Variants in ADAM32 observed in about 807,000 individuals in gnomAD.
ADAM32 encodes the protein ADAM metallopeptidase domain 32, also known as disintegrin and metalloproteinase domain-containing protein 32.
ADAM32 carries 89 observed loss-of-function variants against 114.9 expected under a neutral mutation model. That is an observed-to-expected ratio of 0.77 (90% CI 0.65 to 0.92). ADAM32 has a LOEUF of 0.92. Among genes scored for constraint, ADAM32 ranks in the 40% least tolerant of loss-of-function variants. The probability of loss-of-function intolerance (pLI) is 0.00; values close to 1 mark genes in which losing one functional copy is unlikely to be tolerated. For missense variants in ADAM32, 870 were observed against 932.8 expected, an observed-to-expected ratio of 0.93 and a Z score of 0.88; for synonymous variants, 285 against 307.5, an observed-to-expected ratio of 0.93 and a Z score of 0.77.
intron 12 of ADAM32, among the ~76,000 whole-genome samples, chr8:39,215,758 T>C (rs1433541108): frequency 6.6e-6 from 1 of 152,058 alleles, no homozygotes; most frequent in Non-Finnish European, 1.5e-5. Flanking sequence ...AGATGCTTGA[T>C]ATTATTTAAT....
At chr8:39,229,964 A>C (rs1022589401) in intron 14 of ADAM32, among the ~76,000 whole-genome samples, 3 of 152,280 alleles carry the variant, frequency 2.0e-5, no homozygotes, top group Admixed American at 1.3e-4. Context: ...AGCCTCAATA[A>C]ATTTAATAAA....
chr8:39,213,264 C>A (rs10102564), intron 12 of ADAM32, among the ~76,000 whole-genome samples: 4 of 151,808 alleles, frequency 2.6e-5, no homozygotes, highest in Non-Finnish European at 4.4e-5. Context: ...GTATAGAATG[C>A]GTAATGATCA....
At chr8:39,148,874 G>A (rs975883094) in intron 4 of ADAM32, among the ~76,000 whole-genome samples, 2 of 152,066 alleles carry the variant, frequency 1.3e-5, no homozygotes, top group Non-Finnish European at 2.9e-5. Context: ...CTGTGACAAT[G>A]TTTGTGACTC....
At chr8:39,246,324 A>G (rs1424637753) in intron 17 of ADAM32, among the ~76,000 whole-genome samples, 158 bp downstream of exon 17, 2 of 152,320 alleles carry the variant, frequency 1.3e-5, no homozygotes, top group East Asian at 3.9e-4. Flanking sequence ...CAGCAGCCAT[A>G]ATTAGTTACA....
intron 12 of ADAM32, among the ~76,000 whole-genome samples, chr8:39,211,874 G>A (rs1261464416): frequency 1.3e-5 from 2 of 152,154 alleles, no homozygotes; most frequent in Non-Finnish European, 2.9e-5. Context: ...TGGTTACAAG[G>A]TAGACAGAAA....
At chr8:39,225,916 T>G (rs1386104332) in intron 14 of ADAM32, among the ~76,000 whole-genome samples, 1 of 152,102 alleles carries the variant, frequency 6.6e-6, no homozygotes, top group African/African-American at 2.4e-5. Context: ...CACCATTAAA[T>G]GACACAATAA....
chr8:39,131,697 T>C (rs1802466605), intron 2 of ADAM32, among the ~76,000 whole-genome samples: 1 of 152,242 alleles, frequency 6.6e-6, no homozygotes, highest in East Asian at 1.9e-4. Context: ...GATGCAGTGA[T>C]GATTTTACTG....
At chr8:39,168,418 C>T (rs1046044468) in intron 9 of ADAM32, 1 of 152,110 alleles carries the variant, frequency 6.6e-6, no homozygotes, top group African/African-American at 2.4e-5. Flanking sequence ...GAGTGACTGC[C>T]CTCAGCATAC....
intron 12 of ADAM32, among the ~76,000 whole-genome samples, chr8:39,215,761 T>C (rs1249809843): frequency 6.6e-6 from 1 of 152,038 alleles, no homozygotes; most frequent in African/African-American, 2.4e-5. Flanking sequence ...TGCTTGATAT[T>C]ATTTAATTTT....
In ADAM32 at chr8:39,204,364, G is replaced by T. The variant is rs181740524; in HGVS notation, c.1053-6780G>T. Among the ~76,000 whole-genome samples the T allele has an allele frequency of 1.4e-4, 22 of 151,998 alleles. 1 individual carries two copies. Among genetic ancestry groups the T allele is most frequent in the Admixed American group, 9.8e-4 (15 of 15,274 alleles). On this transcript the variant is annotated intron_variant, in intron 11 of 24. Coordinates refer to ENST00000379907, the MANE Select transcript of ADAM32 (RefSeq NM_145004.7). ...TGTTTTTTCTCTAAACTTCTTTCTC[G>T]CTTCATTTCATTCATTTGATCTTCA...
At chr8:39,278,136 G>A (rs1046627383) in intron 22 of ADAM32, among the ~76,000 whole-genome samples, 1 of 152,132 alleles carries the variant, frequency 6.6e-6, no homozygotes, top group East Asian at 1.9e-4. Flanking sequence ...CAGCCACCTC[G>A]GGCTGGACTC....
intron 11 of ADAM32, among the ~76,000 whole-genome samples, chr8:39,187,987 T>C (rs983740386): frequency 2.6e-5 from 4 of 152,216 alleles, no homozygotes; most frequent in Non-Finnish European, 4.4e-5. Flanking sequence ...ATTAGCATTT[T>C]GTAGTTTTTC....
intron 11 of ADAM32, among the ~76,000 whole-genome samples, chr8:39,202,674 C>T (rs1807508918): frequency 6.6e-6 from 1 of 152,136 alleles, no homozygotes. Flanking sequence ...CTTCTGCTAG[C>T]TTTTGAATGT....
chr8:39,151,588 A>G, intron 6 of ADAM32, 40 bp downstream of exon 6: 1 of 1,312,660 alleles, frequency 7.6e-7, no homozygotes, highest in Non-Finnish European at 1.0e-6. Flanking sequence ...TAAAGCAGTT[A>G]TTACTTCCAT....
At chr8:39,235,379 C>T (rs1016488166) in intron 16 of ADAM32, among the ~76,000 whole-genome samples, 3 of 151,892 alleles carry the variant, frequency 2.0e-5, no homozygotes, top group Non-Finnish European at 2.9e-5. Flanking sequence ...ATAAATAAAG[C>T]TTACTGTAGG....
intron 2 of ADAM32, among the ~76,000 whole-genome samples, chr8:39,123,091 C>T (rs890455807): frequency 6.6e-6 from 1 of 152,142 alleles, no homozygotes; most frequent in African/African-American, 2.4e-5. Flanking sequence ...TTTCCCAGCA[C>T]TGTTTGTAGA....
chr8:39,205,994 G>A (rs117024898), intron 11 of ADAM32, among the ~76,000 whole-genome samples: 1,636 of 152,252 alleles, frequency 0.011, 17 homozygotes, highest in South Asian at 0.04. Context: ...CACATCTGGT[G>A]TATCAGTTGC....
At chr8:39,124,224 G>A (rs1003302183) in intron 2 of ADAM32, among the ~76,000 whole-genome samples, 45 of 151,752 alleles carry the variant, frequency 3.0e-4, no homozygotes, top group Admixed American at 2.7e-3. Flanking sequence ...CCCACTATGC[G>A]TCCATATGTT....
At position 39,275,816 on chromosome 8, in the gene ADAM32, G is replaced by T. The variant is rs900182353; in HGVS notation, c.2241-12G>T. 3 of 1,550,142 alleles carry T rather than the reference G, an allele frequency of 1.9e-6. No individual in the cohort carries two copies. The highest frequency in any genetic ancestry group is 1.4e-5 in the African/African-American group (1 of 73,042). On this transcript the variant is annotated splice_polypyrimidine_tract_variant and intron_variant, in intron 21 of 24. Coordinates refer to ENST00000379907, the MANE Select transcript of ADAM32 (RefSeq NM_145004.7). ...ATTAACGTGGAAGCATTACTTTTTC[G>T]CTTTCTTTTAGAACCAGATCAGAAA...
Sources: allele counts gnomAD v4.1 joint callset (sites outside exome capture counted in the v4.1 genomes callset), GRCh38; gene constraint gnomAD v4.1.1; transcripts MANE v1.5; gene names NCBI Gene and HGNC (gene_info 2026-07-23, HGNC 2026-07-21).